SLC5A10: variants seen among roughly 807,000 people sequenced by gnomAD.
SLC5A10 encodes solute carrier family 5 member 10, also known as sodium/mannose cotransporter SLC5A10.
A neutral mutation model predicts 68.9 loss-of-function variants in SLC5A10; 55 were observed. That is an observed-to-expected ratio of 0.80 (90% CI 0.64 to 1.00). The LOEUF is 1.00. Among genes scored for constraint, SLC5A10 ranks in the 50% least tolerant of loss-of-function variants. The probability of loss-of-function intolerance (pLI) is 0.00; values close to 1 mark genes in which losing one functional copy is unlikely to be tolerated. For synonymous variants in SLC5A10, 344 were observed against 344.8 expected, an observed-to-expected ratio of 1.00 and a Z score of 0.02; for missense variants, 732 against 819.3, an observed-to-expected ratio of 0.89 and a Z score of 1.30.
At position 18,979,059 on chromosome 17, in the gene SLC5A10, G is replaced by A. The variant is rs116005535; in HGVS notation, c.982+2070G>A. 381 of 606,060 alleles carry A rather than the reference G, an allele frequency of 6.3e-4. 2 individuals carry two copies. Among genetic ancestry groups the A allele is most frequent in the African/African-American group, 5.5e-3 (297 of 54,094 alleles). The allele number at this position is 606,060 out of a possible 1,614,324, so 37.5% of individuals were successfully genotyped here. A position where few individuals can be genotyped will look rare whatever the true frequency, so the allele number is the denominator to read the frequency against. On this transcript the variant is annotated intron_variant, in intron 9 of 14. Coordinates refer to ENST00000395645, the MANE Select transcript of SLC5A10 (RefSeq NM_001042450.4). Reference sequence around the variant, plus strand: ...TTGCACCAAGCCCATTCCCACCTCTGCAAATGACAGGGCACTGTGCTCCTC... The same window carrying A: ...TTGCACCAAGCCCATTCCCACCTCTACAAATGACAGGGCACTGTGCTCCTC...
At chr17:18,976,796 A>T (rs201925576) in intron 8 of SLC5A10, 58 bp from the exon 9 acceptor site, 33 of 1,598,016 alleles carry the variant, frequency 2.1e-5, no homozygotes, top group Non-Finnish European at 3.4e-6. Flanking sequence ...CCAAGGACCA[A>T]TCCTGACACA....
chr17:18,960,491 C>CT (rs1654463795), intron 4 of SLC5A10, 57 bp from the exon 5 acceptor site: 1 of 1,487,848 alleles, frequency 6.7e-7, no homozygotes, highest in African/African-American at 1.4e-5. Context: ...CAGGCCCTGC[C>CT]TGGAGCCCTG....
intron 9 of SLC5A10, among the ~76,000 whole-genome samples, chr17:19,009,460 A>G (rs1490249231): frequency 6.6e-6 from 1 of 152,072 alleles, no homozygotes; most frequent in Non-Finnish European, 1.5e-5. Flanking sequence ...GCCTCAAACA[A>G]TCCTCCTGCC....
At chr17:18,967,147 C>T (rs993051162) in intron 5 of SLC5A10, among the ~76,000 whole-genome samples, 5 of 152,262 alleles carry the variant, frequency 3.3e-5, no homozygotes, top group African/African-American at 7.2e-5. Context: ...ATTCCTCACC[C>T]GGGGGCTGCT....
intron 11 of SLC5A10, 87 bp downstream of exon 11, chr17:19,015,286 C>T (rs2044117185): frequency 1.0e-6 from 1 of 968,182 alleles, no homozygotes; most frequent in Non-Finnish European, 1.5e-6. Context: ...CCGGAGTTTG[C>T]CACTTAGAGA....
intron 9 of SLC5A10, among the ~76,000 whole-genome samples, chr17:18,991,320 C>T (rs2043418334): frequency 6.6e-6 from 1 of 152,154 alleles, no homozygotes; most frequent in Non-Finnish European, 1.5e-5. Context: ...TCTGGGACCA[C>T]AGCCCCTCCT....
chr17:19,013,338 C>G, intron 9 of SLC5A10, 72 bp from the exon 10 acceptor site: 1 of 1,588,566 alleles, frequency 6.3e-7, no homozygotes, highest in Non-Finnish European at 8.6e-7. Flanking sequence ...GCTCCTGCCC[C>G]CAGCCCTATC....
intron 9 of SLC5A10, among the ~76,000 whole-genome samples, chr17:18,981,138 AG>A (rs1720687327): frequency 6.6e-6 from 1 of 152,180 alleles, no homozygotes; most frequent in Non-Finnish European, 1.5e-5. Context: ...GGGGAGGCTG[AG>A]GGGGTAAACG....
At chr17:18,964,685 C>A (rs1006776977) in intron 5 of SLC5A10, among the ~76,000 whole-genome samples, 6 of 151,900 alleles carry the variant, frequency 3.9e-5, no homozygotes, top group African/African-American at 1.2e-4. Flanking sequence ...AGCCACAGGG[C>A]AAGAGCTTGG....
chr17:18,960,526 C>T (rs2042591577), intron 4 of SLC5A10, 22 bp from the exon 5 acceptor site: 6 of 1,608,332 alleles, frequency 3.7e-6, no homozygotes, highest in Non-Finnish European at 3.4e-6. Flanking sequence ...GATGCTTAGC[C>T]CCTACCCATG....
chr17:18,992,249 C>T (rs920210912), intron 9 of SLC5A10, among the ~76,000 whole-genome samples: 3 of 152,212 alleles, frequency 2.0e-5, no homozygotes, highest in Non-Finnish European at 2.9e-5. Context: ...GAATCCCCCA[C>T]CTCCCTCTGT....
chr17:18,970,568 A>C, intron 7 of SLC5A10: 1 of 188,096 alleles, frequency 5.3e-6, no homozygotes, highest in South Asian at 1.1e-4. Flanking sequence ...AGCCACTCTC[A>C]GCTCTGCTAA....
intron 9 of SLC5A10, chr17:18,978,544 C>T (rs766603981): frequency 1.2e-4 from 188 of 1,613,202 alleles, no homozygotes; most frequent in Non-Finnish European, 1.5e-4. Context: ...CTTTCAGCCC[C>T]AGGGGCTTCT....
At chr17:18,985,586 G>A (rs2043249504) in intron 9 of SLC5A10, among the ~76,000 whole-genome samples, 1 of 152,208 alleles carries the variant, frequency 6.6e-6, no homozygotes, top group African/African-American at 2.4e-5. Flanking sequence ...GAGGTAGGCA[G>A]GGAAGGCAGG....
At position 19,004,244 on chromosome 17, in the gene SLC5A10, C is replaced by G. The variant is rs939713256; in HGVS notation, c.983-9166C>G. 8.9e-6 allele frequency: 3 copies of G among 338,886 alleles called. No individual in the cohort carries two copies. Among genetic ancestry groups the G allele is most frequent in the Non-Finnish European group, 1.6e-5 (3 of 186,954 alleles). 21.0% of individuals were successfully genotyped at this position (338,886 alleles called of 1,614,324 possible). On this transcript the variant is annotated intron_variant, in intron 9 of 14. Coordinates refer to ENST00000395645, the MANE Select transcript of SLC5A10 (RefSeq NM_001042450.4). The surrounding 1 kb of genome is among the most constrained non-coding windows in gnomAD (Gnocchi z 5.4). ...CGGGGAGGGGCGGCGGGGGCGGGGCCGGGAACTCAGGTGGGCGTGGGAAGG... is the reference window on the plus strand; with the variant it reads ...CGGGGAGGGGCGGCGGGGGCGGGGCGGGGAACTCAGGTGGGCGTGGGAAGG...
chr17:18,977,435 T>C, intron 9 of SLC5A10: 1 of 802,198 alleles, frequency 1.2e-6, no homozygotes, highest in Non-Finnish European at 1.9e-6. Context: ...TTCCCACCCC[T>C]GCCTGTTCAT....
chr17:18,990,165 G>A (rs1462578568), intron 9 of SLC5A10, among the ~76,000 whole-genome samples: 1 of 152,172 alleles, frequency 6.6e-6, no homozygotes, highest in Non-Finnish European at 1.5e-5. Flanking sequence ...CTGCCCCCAG[G>A]GCTGCCCAAG....
chr17:19,002,091 CA>C (rs1163982335), intron 9 of SLC5A10, among the ~76,000 whole-genome samples: 1 of 151,996 alleles, frequency 6.6e-6, no homozygotes, highest in African/African-American at 2.4e-5. Flanking sequence ...TCTCAGTCTG[CA>C]AACTATGAAG....
intron 1 of SLC5A10, among the ~76,000 whole-genome samples, chr17:18,953,323 A>G (rs2042414251): frequency 1.3e-5 from 2 of 151,914 alleles, no homozygotes; most frequent in South Asian, 4.1e-4. Context: ...TAGTAGAGAC[A>G]GAGTTTTACC....
Sources: allele counts gnomAD v4.1 joint callset (sites outside exome capture counted in the v4.1 genomes callset), GRCh38; gene constraint gnomAD v4.1.1; non-coding constraint Gnocchi (gnomAD v3.1); transcripts MANE v1.5; gene names NCBI Gene and HGNC (gene_info 2026-07-23, HGNC 2026-07-21).